Variants in TEX2 observed in about 807,000 individuals in gnomAD.
TEX2 encodes testis expressed 2.
In TEX2, 53 loss-of-function variants were observed where a neutral mutation model predicts 106.9. That is an observed-to-expected ratio of 0.50 (90% confidence interval 0.40 to 0.62). The LOEUF (loss-of-function observed/expected upper bound fraction) is 0.62. Ranked by LOEUF, TEX2 falls within the 20% of genes least tolerant of loss-of-function variation. The pLI is 0.00. For missense variants in TEX2, 1,207 were observed against 1,379.0 expected (o/e 0.88, Z 1.98); for synonymous variants, 523 against 534.8 (o/e 0.98, Z 0.30).
intron 1 of TEX2, among the ~76,000 whole-genome samples, chr17:64,216,522 G>A (rs527789248): frequency 8.0e-4 from 122 of 152,330 alleles, no homozygotes; most frequent in Non-Finnish European, 1.2e-3. Context: ...ATGATTTTGA[G>A]GTTGAACAGA....
chr17:64,157,858 A>T (rs1289804166), intron 8 of TEX2, among the ~76,000 whole-genome samples: 4 of 152,190 alleles, frequency 2.6e-5, no homozygotes, highest in Admixed American at 6.5e-5. Context: ...TGACTTGGGG[A>T]CTTGTACAAA....
intron 6 of TEX2, among the ~76,000 whole-genome samples, chr17:64,175,684 C>G (rs2031590081): frequency 6.6e-6 from 1 of 152,222 alleles, no homozygotes; most frequent in Non-Finnish European, 1.5e-5. Context: ...TCAAGTCATC[C>G]TCTTGCCTCT....
intron 1 of TEX2, among the ~76,000 whole-genome samples, chr17:64,243,005 T>C (rs1439286873): frequency 6.6e-6 from 1 of 151,972 alleles, no homozygotes; most frequent in Non-Finnish European, 1.5e-5. Flanking sequence ...CTCAGCTGAC[T>C]GCAACCTCTG....
intron 2 of TEX2, among the ~76,000 whole-genome samples, chr17:64,203,259 T>G (rs2032726662): frequency 6.6e-6 from 1 of 152,090 alleles, no homozygotes; most frequent in African/African-American, 2.4e-5. Flanking sequence ...TGCAGCATGT[T>G]TTCACCCTGC....
At chr17:64,154,720 C>T in intron 9 of TEX2, 122 bp downstream of exon 9, 2 of 1,232,554 alleles carry the variant, frequency 1.6e-6, no homozygotes, top group Non-Finnish European at 2.1e-6. Context: ...AATAAAAAAA[C>T]CATCTACTCA....
At chr17:64,210,775 T>C (rs1263102863) in intron 2 of TEX2, among the ~76,000 whole-genome samples, 2 of 151,430 alleles carry the variant, frequency 1.3e-5, no homozygotes, top group Non-Finnish European at 2.9e-5. Flanking sequence ...AAGCTAAAGA[T>C]TAAAACCAAT....
intron 2 of TEX2, among the ~76,000 whole-genome samples, chr17:64,199,268 G>A (rs1555629778): frequency 1.3e-5 from 2 of 152,026 alleles, no homozygotes; most frequent in South Asian, 2.1e-4. Context: ...ATGGAGTCTC[G>A]CTCTGTTGCC....
chr17:64,237,100 T>C, intron 1 of TEX2, among the ~76,000 whole-genome samples: 1 of 152,146 alleles, frequency 6.6e-6, no homozygotes, highest in Non-Finnish European at 1.5e-5. Context: ...GGAAACCTGA[T>C]CCGTTTTGAA....
At position 64,213,555 on chromosome 17, in the gene TEX2, C is replaced by T. The variant is rs1326943782; in HGVS notation, c.663G>A (p.Leu221=). The T allele has an allele frequency of 6.2e-7, 1 of 1,614,034 alleles. No homozygotes were observed. The highest frequency in any genetic ancestry group is 8.5e-7 in the Non-Finnish European group (1 of 1,180,036). The change falls in exon 2 of 12, where the codon CTG becomes CTA. Residue 221 remains leucine, a synonymous_variant. Coordinates refer to ENST00000584379, the MANE Select transcript of TEX2 (RefSeq NM_001288732.2). The surrounding 1 kb of genome is among the most constrained non-coding windows in gnomAD (Gnocchi z 4.4). ...RHLMKTLVKS[L]STDTSRQESD... ...ACTCCTGCCGGGAAGTGTCCGTGGA[C>T]AGAGACTTGACTAATGTCTTCATCA...
At chr17:64,230,880 A>C (rs1234791212) in intron 1 of TEX2, 5 of 152,254 alleles carry the variant, frequency 3.3e-5, no homozygotes, top group Non-Finnish European at 7.3e-5. Context: ...CAACTGTTAA[A>C]GTCAAGGAAA....
intron 1 of TEX2, among the ~76,000 whole-genome samples, chr17:64,224,373 A>C (rs1380893390): frequency 6.6e-6 from 1 of 152,232 alleles, no homozygotes. Context: ...ACAAATCTCA[A>C]GTACATCTTA....
At chr17:64,154,807 G>A (rs776347478) in intron 9 of TEX2, 35 bp downstream of exon 9, 13 of 1,534,124 alleles carry the variant, frequency 8.5e-6, no homozygotes, top group Non-Finnish European at 8.8e-7. Context: ...CTGATCCCTG[G>A]AGACTCAGAG....
intron 1 of TEX2, among the ~76,000 whole-genome samples, 178 bp from the exon 2 acceptor site, chr17:64,214,420 T>C: frequency 6.6e-6 from 1 of 152,246 alleles, no homozygotes; most frequent in East Asian, 1.9e-4. Flanking sequence ...TAAATTCCAG[T>C]TAGGCATTCT....
intron 1 of TEX2, among the ~76,000 whole-genome samples, chr17:64,221,480 T>C (rs1198167960): frequency 6.6e-6 from 1 of 152,132 alleles, no homozygotes; most frequent in African/African-American, 2.4e-5. Context: ...GAAAATGCAA[T>C]TAAAACCGCA....
At chr17:64,178,134 G>T (rs1000931478) in intron 5 of TEX2, among the ~76,000 whole-genome samples, 1 of 152,158 alleles carries the variant, frequency 6.6e-6, no homozygotes, top group Non-Finnish European at 1.5e-5. Context: ...ACCAATCTCG[G>T]CCCAGCGAAA....
Position 64,212,919 on chromosome 17 carries a change from C to T in TEX2, c.1299G>A (p.Glu433=). The T allele has an allele frequency of 2.5e-6, 4 of 1,614,258 alleles. No homozygotes were observed. Among genetic ancestry groups the T allele is most frequent in the South Asian group, 1.1e-5 (1 of 91,092 alleles). The change falls in exon 2 of 12, where the codon GAG becomes GAA. Residue 433 remains glutamate, a synonymous_variant. Coordinates refer to ENST00000584379, the MANE Select transcript of TEX2 (RefSeq NM_001288732.2). ...TEDFDLETEG[E]SKVDKLSDIP... The stretch of plus-strand genomic sequence containing the variant: ...TATCTGAGAGCTTATCAACTTTACT[C>T]TCCCCCTCCGTTTCCAAATCGAAGT...
chr17:64,164,270 T>C (rs1465785701), intron 7 of TEX2, among the ~76,000 whole-genome samples: 1 of 152,052 alleles, frequency 6.6e-6, no homozygotes, highest in Non-Finnish European at 1.5e-5. Flanking sequence ...AAACCTCGTC[T>C]CTACTAAAAA....
At chr17:64,168,733 C>T (rs1311320791) in intron 7 of TEX2, among the ~76,000 whole-genome samples, 1 of 152,144 alleles carries the variant, frequency 6.6e-6, no homozygotes, top group Non-Finnish European at 1.5e-5. Context: ...CTTTAAGCCT[C>T]ACATGAGGTT....
At chr17:64,156,310 C>T (rs541969430) in intron 8 of TEX2, 1 of 152,416 alleles carries the variant, frequency 6.6e-6, no homozygotes, top group East Asian at 1.9e-4. Flanking sequence ...CCTGGCAGGA[C>T]ACACAGCTCC....
Sources: allele counts gnomAD v4.1 joint callset (sites outside exome capture counted in the v4.1 genomes callset), GRCh38; gene constraint gnomAD v4.1.1; non-coding constraint Gnocchi (gnomAD v3.1); transcripts MANE v1.5; gene names NCBI Gene and HGNC (gene_info 2026-07-23, HGNC 2026-07-21).